The following ANO1 variants were observed in gnomAD, a reference collection of about 807,000 sequenced individuals.
ANO1 encodes anoctamin-1.
ANO1 carries 59 observed loss-of-function variants against 124.0 expected under a neutral mutation model. The observed-to-expected ratio is 0.48, with a 90% CI of 0.39 to 0.59. The LOEUF is 0.59. Among genes scored for constraint, ANO1 ranks in the 20% least tolerant of loss-of-function variants. The pLI, the probability that ANO1 is intolerant of heterozygous loss-of-function variation, is 0.00. For missense variants in ANO1, 1,059 were observed against 1,328.0 expected, an observed-to-expected ratio of 0.80 and a Z score of 3.15; for synonymous variants, 529 against 532.0, an observed-to-expected ratio of 0.99 and a Z score of 0.08.
chr11:70,157,732 C>A (rs959370298), intron 16 of ANO1, among the ~76,000 whole-genome samples: 1 of 152,080 alleles, frequency 6.6e-6, no homozygotes, highest in African/African-American at 2.4e-5. Flanking sequence ...TGGCTCACAC[C>A]TGTATTCCCA....
intron 1 of ANO1, among the ~76,000 whole-genome samples, chr11:70,082,183 C>A (rs772409293): frequency 6.6e-6 from 1 of 152,098 alleles, no homozygotes; most frequent in Admixed American, 6.6e-5. Context: ...GTATACAAGA[C>A]CCAGCCTCTG....
intron 1 of ANO1, among the ~76,000 whole-genome samples, chr11:70,018,998 A>C (rs1856748801): frequency 6.6e-6 from 1 of 152,368 alleles, no homozygotes; most frequent in Non-Finnish European, 1.5e-5. Flanking sequence ...TGCGGCAATA[A>C]GTACGCAAAG....
chr11:69,996,361 G>C (rs938751761), intron 1 of ANO1, among the ~76,000 whole-genome samples: 1 of 152,122 alleles, frequency 6.6e-6, no homozygotes, highest in African/African-American at 2.4e-5. Flanking sequence ...ATGCTCCCTT[G>C]GCCAAATCTC....
At chr11:70,185,477 GCA>G in intron 24 of ANO1, 111 bp from the exon 25 acceptor site, 4 of 908,508 alleles carry the variant, frequency 4.4e-6, no homozygotes, top group Non-Finnish European at 6.7e-6. Flanking sequence ...CCTCCCGGAG[GCA>G]GCCGCACACC....
At position 69,994,105 on chromosome 11, in the gene ANO1, C is replaced by CA. The variant is rs1491403984; in HGVS notation, c.58+7939_58+7940insA. Among the ~76,000 whole-genome samples, 241 of 34,138 alleles carry CA rather than the reference C, an allele frequency of 7.1e-3. 1 individual carries two copies. The highest frequency in any genetic ancestry group is 3.0e-3 in the Non-Finnish European group (32 of 10,734). The allele number at this position is 34,138 out of a possible 152,430, so 22.4% of individuals were successfully genotyped here. Reference sequence around the variant, plus strand: ...TTTACACCCCCAATTTGTCGTTAACCCCCCCCCACAGTCACAGCTGGAAGG... The same window carrying CA: ...TTTACACCCCCAATTTGTCGTTAACCACCCCCCCACAGTCACAGCTGGAAGG... On this transcript the variant is annotated intron_variant, in intron 1 of 27. Transcript: ENST00000531349.
intron 1 of ANO1, among the ~76,000 whole-genome samples, chr11:70,071,518 C>T (rs1192969535): frequency 2.0e-5 from 3 of 152,272 alleles, no homozygotes; most frequent in South Asian, 4.1e-4. Context: ...GCCCTAGAAA[C>T]GTGGCTTTTC....
upstream of ANO1, among the ~76,000 whole-genome samples, chr11:70,077,430 G>T (rs1009728525): frequency 6.6e-6 from 1 of 152,196 alleles, no homozygotes; most frequent in Admixed American, 6.5e-5. Flanking sequence ...ACTGGATGTG[G>T]TGGCCAGCAT....
intron 8 of ANO1, 38 bp downstream of exon 8, chr11:70,116,537 G>A (rs1240130033): frequency 1.3e-6 from 2 of 1,562,092 alleles, no homozygotes. Flanking sequence ...GGCTCTGTCA[G>A]AGCCTGGAGG....
intron 1 of ANO1, among the ~76,000 whole-genome samples, chr11:70,031,709 G>T (rs557301328): frequency 2.6e-5 from 4 of 152,178 alleles, no homozygotes; most frequent in Admixed American, 6.5e-5. Context: ...GCTCTGAGGC[G>T]CAGTGGCTGT....
At chr11:70,093,606 G>A (rs745751510) in intron 2 of ANO1, among the ~76,000 whole-genome samples, 4 of 152,192 alleles carry the variant, frequency 2.6e-5, no homozygotes, top group South Asian at 2.1e-4. Flanking sequence ...TGAGAAGGCC[G>A]TGGACATTGG....
At chr11:70,107,050 G>T (rs1279305270) in intron 5 of ANO1, among the ~76,000 whole-genome samples, 6 of 152,166 alleles carry the variant, frequency 3.9e-5, no homozygotes, top group Admixed American at 3.9e-4. Flanking sequence ...AGGGCTGGTG[G>T]CAGTGGTCAT....
At chr11:70,155,008 C>T (rs554001838) in intron 14 of ANO1, among the ~76,000 whole-genome samples, 13 of 152,312 alleles carry the variant, frequency 8.5e-5, no homozygotes, top group African/African-American at 2.4e-4. Flanking sequence ...TACAAGCATC[C>T]GGCGTGTTTT....
chr11:70,004,967 G>C (rs1198233632), intron 1 of ANO1, among the ~76,000 whole-genome samples: 4 of 152,130 alleles, frequency 2.6e-5, no homozygotes, highest in Non-Finnish European at 5.9e-5. Context: ...ACAAAAATTA[G>C]CCAGGTGTGG....
intron 11 of ANO1, among the ~76,000 whole-genome samples, chr11:70,137,422 C>T (rs1429744497): frequency 2.3e-5 from 3 of 132,752 alleles, no homozygotes; most frequent in Non-Finnish European, 5.0e-5. Flanking sequence ...CCCCCACCCC[C>T]CCACCCGCCA....
In ANO1 at chr11:70,129,141, A is replaced by C. The variant is rs376545675; in HGVS notation, c.1098-2778A>C. ...CCTCAAGAGGCCCTCAGAAGAGAGG[A>C]GGCTGAGTGAGGGGCATGAGATAAA... On this transcript the variant is annotated intron_variant, in intron 10 of 25. Transcript: ENST00000355303. Among the ~76,000 whole-genome samples the C allele has an allele frequency of 6.3e-3, 961 of 152,338 alleles. 10 individuals are homozygous for C. The highest frequency in any genetic ancestry group is 0.041 in the Middle Eastern group (12 of 294).
intron 9 of ANO1, among the ~76,000 whole-genome samples, chr11:70,125,070 C>T (rs902790306): frequency 7.9e-5 from 12 of 152,154 alleles, no homozygotes; most frequent in African/African-American, 2.4e-4. Context: ...GGACCGGGCG[C>T]GGTGGCTCAC....
intron 15 of ANO1, among the ~76,000 whole-genome samples, 195 bp downstream of exon 15, chr11:70,156,183 C>G (rs1054865918): frequency 2.1e-5 from 3 of 141,814 alleles, no homozygotes; most frequent in African/African-American, 7.9e-5. Context: ...TCTGCGGTGG[C>G]GGGGACGGGG....
At chr11:70,067,195 C>A (rs1454082833) in intron 1 of ANO1, among the ~76,000 whole-genome samples, 12 of 152,174 alleles carry the variant, frequency 7.9e-5, no homozygotes, top group Non-Finnish European at 2.9e-5. Flanking sequence ...GTCCAAACCC[C>A]TCTACCCCGT....
intron 1 of ANO1, among the ~76,000 whole-genome samples, chr11:70,038,038 G>A (rs1280123452): frequency 6.6e-6 from 1 of 152,180 alleles, no homozygotes; most frequent in Non-Finnish European, 1.5e-5. Context: ...TGTAATTCCA[G>A]CACTTTGGGA....
Sources: allele counts gnomAD v4.1 joint callset (sites outside exome capture counted in the v4.1 genomes callset), GRCh38; gene constraint gnomAD v4.1.1; transcripts MANE v1.5; gene names NCBI Gene and HGNC (gene_info 2026-07-23, HGNC 2026-07-21).